ZNF215: variants seen among roughly 807,000 people sequenced by gnomAD.
ZNF215 encodes zinc finger protein 215, also known as BWSCR2-associated zinc finger protein 2.
Under a neutral mutation model 27.2 loss-of-function variants are expected in ZNF215, and 24 were observed. That is an observed-to-expected ratio of 0.88 (90% CI 0.64 to 1.24). The LOEUF is 1.24. Among genes scored for constraint, ZNF215 ranks in the 50% most tolerant of loss-of-function variants. ZNF215 has a pLI of 0.00. For missense variants in ZNF215, 675 were observed against 605.7 expected, an observed-to-expected ratio of 1.11 and a Z score of -1.20; for synonymous variants, 210 against 204.0, an observed-to-expected ratio of 1.03 and a Z score of -0.25.
chr11:6,956,893 C>T lies in ZNF215; in HGVS notation c.*362C>T. The stretch of plus-strand genomic sequence containing the variant: ...TTGACGAAGTAGACATTAGGCAAAG[C>T]CAAACAATACTCTTGGAGTTGATAT... On this transcript the variant is annotated 3_prime_UTR_variant, in exon 7 of 7. Coordinates refer to ENST00000278319, the MANE Select transcript of ZNF215 (RefSeq NM_013250.4). 1.0e-6 allele frequency: 1 copy of T among 1,002,152 alleles called. No individual in the cohort carries two copies. The highest frequency in any genetic ancestry group is 1.2e-6 in the Non-Finnish European group (1 of 840,410). 62.1% of individuals were successfully genotyped at this position (1,002,152 alleles called of 1,614,324 possible).
chr11:6,966,139 G>T (rs1485224631), intron 5 of ZNF215, among the ~76,000 whole-genome samples: 1 of 152,032 alleles, frequency 6.6e-6, no homozygotes, highest in Non-Finnish European at 1.5e-5. Flanking sequence ...TTAGCACTTG[G>T]TGTCTTTCAA....
chr11:6,937,042 C>A (rs1018268103), intron 3 of ZNF215, among the ~76,000 whole-genome samples: 14 of 151,982 alleles, frequency 9.2e-5, no homozygotes, highest in Non-Finnish European at 1.6e-4. Flanking sequence ...TCCACTCTTG[C>A]CACTTCTATT....
chr11:6,941,592 C>A lies in ZNF215; in HGVS notation c.422C>A (p.Ala141Asp). ...TCAGATATGCCCTGCAAGGACTCTG[C>A]CCTGCAGATGGGGAGCATCAAGGAG... is the stretch of plus-strand genomic sequence containing the variant. The part of the protein sequence containing the change: ...EDEDMPCKDS[A>D]LQMGSIKEKM... Residue 141 changes from alanine to aspartate, a missense_variant, in exon 4 of 7, where the codon GCC becomes GAC. By Grantham distance (126) the Ala-to-Asp change is moderately radical. Coordinates refer to ENST00000278319, the MANE Select transcript of ZNF215 (RefSeq NM_013250.4). 1 of 1,614,008 alleles carries A rather than the reference C, an allele frequency of 6.2e-7. No homozygotes were observed. Among genetic ancestry groups the A allele is most frequent in the Non-Finnish European group, 8.5e-7 (1 of 1,179,922 alleles).
intron 6 of ZNF215, among the ~76,000 whole-genome samples, chr11:6,951,624 T>C: frequency 6.6e-6 from 1 of 152,178 alleles, no homozygotes; most frequent in Non-Finnish European, 1.5e-5. Context: ...TCTTCTCTGT[T>C]TTCTTCTGTA....
chr11:6,993,137 C>A (rs753854986), downstream of ZNF215, among the ~76,000 whole-genome samples: 3 of 152,174 alleles, frequency 2.0e-5, no homozygotes, highest in Non-Finnish European at 4.4e-5. Context: ...ATAGTTTTTA[C>A]ATAGATAAGA....
At chr11:6,961,865 T>G (rs1850523304), downstream of ZNF215, among the ~76,000 whole-genome samples, 1 of 152,122 alleles carries the variant, frequency 6.6e-6, no homozygotes, top group Non-Finnish European at 1.5e-5. Context: ...ATTCTAACAG[T>G]GATAATCTGA....
downstream of ZNF215, among the ~76,000 whole-genome samples, chr11:6,958,962 T>A (rs907933063): frequency 5.9e-5 from 9 of 152,286 alleles, no homozygotes; most frequent in Non-Finnish European, 1.0e-4. Context: ...CCACCCAGAT[T>A]GAGGGTCGGT....
chr11:6,979,915 C>G (rs1305570642), intron 5 of ZNF215, among the ~76,000 whole-genome samples: 1 of 151,968 alleles, frequency 6.6e-6, no homozygotes, highest in Admixed American at 6.6e-5. Context: ...TTTTTAAAAG[C>G]TTATTTATTT....
At chr11:6,936,791 GC>G (rs1222296115) in intron 3 of ZNF215, among the ~76,000 whole-genome samples, 1 of 151,642 alleles carries the variant, frequency 6.6e-6, no homozygotes, top group Non-Finnish European at 1.5e-5. Flanking sequence ...ATATATCAGT[GC>G]TGTACATCAT....
chr11:6,981,700 A>G (rs992712291), intron 5 of ZNF215, among the ~76,000 whole-genome samples: 5 of 152,200 alleles, frequency 3.3e-5, no homozygotes, highest in African/African-American at 1.2e-4. Context: ...TATGTCTTGA[A>G]TGGTAATGCC....
intron 5 of ZNF215, among the ~76,000 whole-genome samples, chr11:6,972,048 T>A (rs895894163): frequency 1.3e-5 from 2 of 152,156 alleles, no homozygotes; most frequent in Non-Finnish European, 2.9e-5. Context: ...GAGATGTGTT[T>A]TAATAGTTGT....
At position 6,932,185 on chromosome 11, in the gene ZNF215, A is replaced by G. The variant is rs1388861650; in HGVS notation, c.-88A>G. The G allele has an allele frequency of 4.0e-6, 6 of 1,500,996 alleles. No homozygotes were observed. Among genetic ancestry groups the G allele is most frequent in the Non-Finnish European group, 5.4e-6 (6 of 1,114,858 alleles). 93.0% of individuals were successfully genotyped at this position (1,500,996 alleles called of 1,614,324 possible). ...TAACTTGGCTTAAATCACACTGCATATAGTACACAGGTGCTTAGCTCAAGC... is the reference window on the plus strand; with the variant it reads ...TAACTTGGCTTAAATCACACTGCATGTAGTACACAGGTGCTTAGCTCAAGC... On this transcript the variant is annotated 5_prime_UTR_variant, in exon 3 of 7. In the 5' UTR this introduces an upstream ATG that the reference lacks. Coordinates refer to ENST00000278319, the MANE Select transcript of ZNF215 (RefSeq NM_013250.4).
chr11:6,945,513 C>T lies in ZNF215; in HGVS notation c.712+1872C>T, dbSNP rs568149036. Among the ~76,000 whole-genome samples, 7 of 152,336 alleles carry T rather than the reference C, an allele frequency of 4.6e-5. No homozygotes were observed. In the East Asian group the frequency reaches 1.3e-3, roughly 29 times the overall value. On this transcript the variant is annotated intron_variant, in intron 6 of 6. Coordinates refer to ENST00000278319, the MANE Select transcript of ZNF215 (RefSeq NM_013250.4). Reference sequence around the variant, plus strand: ...CAATTTAGCTCTTACCCCAGACATTCACCTGAAACAGTTGTTGCTAAAGTT... The same window carrying T: ...CAATTTAGCTCTTACCCCAGACATTTACCTGAAACAGTTGTTGCTAAAGTT...
rs1223543982 is a variant in ZNF215, at chr11:6,957,280, G to A, written c.*749G>A. On this transcript the variant is annotated 3_prime_UTR_variant, in exon 7 of 7. Coordinates refer to ENST00000278319, the MANE Select transcript of ZNF215 (RefSeq NM_013250.4). ...CAGCCAGGGACACTGTGTGGAGTTC[G>A]CACACTCTCCCTATGTCTCCGGGTG... The A allele has an allele frequency of 9.6e-6, 7 of 730,130 alleles. No individual in the cohort carries two copies. The highest frequency in any genetic ancestry group is 3.8e-5 in the African/African-American group (2 of 52,306). The allele number at this position is 730,130 out of a possible 1,614,324, so 45.2% of individuals were successfully genotyped here.
At chr11:6,964,697 T>C (rs956072811) in intron 5 of ZNF215, among the ~76,000 whole-genome samples, 3 of 151,528 alleles carry the variant, frequency 2.0e-5, no homozygotes, top group Non-Finnish European at 4.4e-5. Context: ...TTTTTTTTTT[T>C]ATTTTTAATG....
downstream of ZNF215, among the ~76,000 whole-genome samples, chr11:6,990,543 G>C (rs979084797): frequency 2.6e-5 from 4 of 152,130 alleles, no homozygotes; most frequent in Non-Finnish European, 5.9e-5. Flanking sequence ...AGAAGTGAGA[G>C]GGAGACTTAC....
chr11:6,973,657 G>C (rs1850768923), intron 5 of ZNF215, among the ~76,000 whole-genome samples: 2 of 152,180 alleles, frequency 1.3e-5, no homozygotes, highest in East Asian at 1.9e-4. Flanking sequence ...GTGATGATGA[G>C]CATTTTTTCC....
intron 5 of ZNF215, among the ~76,000 whole-genome samples, chr11:6,965,090 C>T (rs1850593277): frequency 6.6e-6 from 1 of 152,000 alleles, no homozygotes; most frequent in Non-Finnish European, 1.5e-5. Context: ...TCAGATGTGG[C>T]CTCCATATTA....
chr11:6,933,794 CA>C (rs55667332), intron 3 of ZNF215, among the ~76,000 whole-genome samples: 45,605 of 87,612 alleles, frequency 0.52, 7,788 homozygotes, highest in Middle Eastern at 0.65. Flanking sequence ...GACTCCATCT[CA>C]AAAAAAAAAA....
Sources: gnomAD v4.1 joint callset for allele counts (sites outside exome capture counted in the v4.1 genomes callset) on GRCh38, gnomAD v4.1.1 for gene constraint, MANE v1.5 for transcripts, NCBI Gene and HGNC (gene_info 2026-07-23, HGNC 2026-07-21) for gene names.